The following GTPBP1 variants were observed in gnomAD, a reference collection of about 807,000 sequenced individuals.
GTPBP1 encodes the protein GTP-binding protein 1.
In GTPBP1, 23 loss-of-function variants were observed where a neutral mutation model predicts 62.0. That is an observed-to-expected ratio of 0.37 (90% CI 0.27 to 0.53). The LOEUF (loss-of-function observed/expected upper bound fraction) is 0.53, where lower values mean the gene tolerates loss of function less well. GTPBP1 is among the 20% of genes least tolerant of loss of function. The probability of loss-of-function intolerance (pLI) is 0.89; values close to 1 mark genes in which losing one functional copy is unlikely to be tolerated. For synonymous variants in GTPBP1, 344 were observed against 364.4 expected, an observed-to-expected ratio of 0.94 and a Z score of 0.64; for missense variants, 640 against 917.3, an observed-to-expected ratio of 0.70 and a Z score of 3.90.
At chr22:38,724,511 C>T in intron 6 of GTPBP1, 100 bp downstream of exon 6, 1 of 704,018 alleles carries the variant, frequency 1.4e-6, no homozygotes, top group Non-Finnish European at 2.6e-6. Context: ...CATAAGGTCT[C>T]ATGAAAACAC....
chr22:38,706,846 C>G lies in GTPBP1; in HGVS notation c.192+699C>G, dbSNP rs151202090. 101 of 152,316 alleles carry G rather than the reference C, an allele frequency of 6.6e-4. 1 individual carries two copies. Among genetic ancestry groups the G allele is most frequent in the African/African-American group, 2.2e-3 (91 of 41,566 alleles). 9.4% of individuals were successfully genotyped at this position (152,316 alleles called of 1,614,324 possible). ...GACGTTTAAAACCGTGTTTTTTGAG[C>G]TGTCGAGAAGGTAGGCAGGAATTAA... On this transcript the variant is annotated intron_variant, in intron 1 of 11. Transcript: ENST00000216044.
chr22:38,721,681 G>A (rs1158556750), intron 4 of GTPBP1, 61 bp from the exon 5 acceptor site: 49 of 1,541,352 alleles, frequency 3.2e-5, no homozygotes, highest in Non-Finnish European at 3.9e-5. Context: ...GAGCCCCTGT[G>A]TCCACCCAGC....
At chr22:38,714,766 A>G (rs1801573477) in intron 2 of GTPBP1, among the ~76,000 whole-genome samples, 1 of 152,106 alleles carries the variant, frequency 6.6e-6, no homozygotes, top group South Asian at 2.1e-4. Flanking sequence ...AGAGAGTCAC[A>G]CATGCTGAAG....
downstream of GTPBP1, chr22:38,736,128 G>A (rs191692906): frequency 4.8e-5 from 40 of 826,668 alleles, no homozygotes; most frequent in African/African-American, 3.6e-4. Context: ...GACCCTGCCC[G>A]TCCTTTTCAT....
chr22:38,708,779 T>A (rs2092621193), intron 1 of GTPBP1, 66 bp from the exon 2 acceptor site: 2 of 891,394 alleles, frequency 2.2e-6, no homozygotes, highest in African/African-American at 3.3e-5. Flanking sequence ...TAGGCTATAT[T>A]GATCAGCTTT....
At chr22:38,729,431 C>T in intron 10 of GTPBP1, 31 bp from the exon 11 acceptor site, 1 of 1,539,540 alleles carries the variant, frequency 6.5e-7, no homozygotes, top group Non-Finnish European at 8.8e-7. Context: ...CCCGCAGCTC[C>T]AGCCTCAGCC....
At chr22:38,728,284 G>A in intron 10 of GTPBP1, 123 bp downstream of exon 10, 1 of 695,258 alleles carries the variant, frequency 1.4e-6, no homozygotes, top group Admixed American at 2.2e-5. Flanking sequence ...ACTGAGGTGT[G>A]GCCTCGGTGC....
At chr22:38,739,258 C>T (rs1354626936), downstream of GTPBP1, 1 of 1,452,122 alleles carries the variant, frequency 6.9e-7, no homozygotes, top group South Asian at 1.1e-5. This position sits in a 1 kb window ranked among gnomAD's most constrained non-coding sequence, Gnocchi z 6.7. Context: ...GCTTGCTCTG[C>T]CCCACCACCA....
downstream of GTPBP1, chr22:38,742,621 C>T (rs2092869341): frequency 1.3e-6 from 2 of 1,533,160 alleles, no homozygotes; most frequent in Non-Finnish European, 1.8e-6. Context: ...CCAAAGACCA[C>T]CCCGACACAG....
Position 38,708,873 on chromosome 22 carries a change from A to G in GTPBP1, c.221A>G (p.Gln74Arg). 1 of 1,610,358 alleles carries G rather than the reference A, an allele frequency of 6.2e-7. No homozygotes were observed. Among genetic ancestry groups the G allele is most frequent in the Non-Finnish European group, 8.5e-7 (1 of 1,176,500 alleles). The change falls in exon 2 of 12, where the codon CAG becomes CGG. Residue 74 changes from glutamine to arginine, a missense_variant. Physicochemically the swap from Gln to Arg is conservative, Grantham distance 43 (BLOSUM62 1). This residue lies in a region of GTPBP1 where 215 missense variants were observed against 235.1 expected (regional missense o/e 0.91). Coordinates refer to ENST00000216044, the MANE Select transcript of GTPBP1 (RefSeq NM_004286.5). ...GTTCTAGTGAGCCCTACATCAGAGC[A>G]GTATGACAGCCTACTTCGGCAGATG... is the stretch of plus-strand genomic sequence containing the variant. ...KLVLVSPTSEQYDSLLRQMWE... is the reference protein window; with the variant it reads ...KLVLVSPTSERYDSLLRQMWE...
intron 10 of GTPBP1, 155 bp downstream of exon 10, chr22:38,728,316 G>A (rs1317654235): frequency 6.4e-6 from 4 of 620,220 alleles, no homozygotes; most frequent in South Asian, 1.8e-5. Flanking sequence ...TCCCTTAGAG[G>A]TATCCTGTGG....
intron 2 of GTPBP1, 151 bp downstream of exon 2, chr22:38,709,107 A>G: frequency 1.9e-6 from 1 of 522,726 alleles, no homozygotes; most frequent in Non-Finnish European, 3.5e-6. Flanking sequence ...ACATGGTGAA[A>G]CCCCATCTCT....
downstream of GTPBP1, chr22:38,736,511 G>T: frequency 1.5e-6 from 1 of 673,022 alleles, no homozygotes; most frequent in Non-Finnish European, 2.4e-6. Flanking sequence ...GCTCTGAAGA[G>T]AACCAGGCTT....
chr22:38,712,244 A>G (rs1225358459), intron 2 of GTPBP1, among the ~76,000 whole-genome samples: 2 of 152,154 alleles, frequency 1.3e-5, no homozygotes, highest in Non-Finnish European at 2.9e-5. Context: ...AATTGATTCT[A>G]AAGGATGAGT....
chr22:38,718,681 T>C (rs1050225809), intron 4 of GTPBP1, among the ~76,000 whole-genome samples: 1 of 152,212 alleles, frequency 6.6e-6, no homozygotes, highest in Non-Finnish European at 1.5e-5. Flanking sequence ...CGTGACACAC[T>C]GGAATGGATA....
At chr22:38,710,056 A>T (rs575534866) in intron 2 of GTPBP1, among the ~76,000 whole-genome samples, 3 of 152,356 alleles carry the variant, frequency 2.0e-5, no homozygotes, top group Non-Finnish European at 4.4e-5. Context: ...GTTAACGATT[A>T]TGAATTCAGC....
Position 38,730,408 on chromosome 22 carries a change from A to G in GTPBP1, c.1918-204A>G, listed in dbSNP as rs1415746394. The stretch of plus-strand genomic sequence containing the variant: ...GTCCTACCCACCCTGTAAGGAAGGC[A>G]GGGCAGGCACTGGCTCCATTTTAGA... On this transcript the variant is annotated intron_variant, in intron 11 of 11. Transcript: ENST00000216044. The surrounding 1 kb of genome is among the most constrained non-coding windows in gnomAD (Gnocchi z 5.6). Among the ~76,000 whole-genome samples, 3 of 152,288 alleles carry G rather than the reference A, an allele frequency of 2.0e-5. No homozygotes were observed. The highest frequency in any genetic ancestry group is 4.4e-5 in the Non-Finnish European group (3 of 68,000).
At chr22:38,739,591 C>T (rs2092836792), downstream of GTPBP1, 3 of 1,317,298 alleles carry the variant, frequency 2.3e-6, no homozygotes, top group Non-Finnish European at 3.2e-6. The surrounding 1 kb of genome is among the most constrained non-coding windows in gnomAD (Gnocchi z 6.7). Flanking sequence ...GCCAGCCCCA[C>T]AGCATGCAAA....
rs370513447 is a variant in GTPBP1 at position 38,716,560 on chromosome 22, A to G, written c.486-92A>G. 27 of 920,026 alleles carry G rather than the reference A, an allele frequency of 2.9e-5. 1 individual carries two copies. The highest frequency in any genetic ancestry group is 2.9e-4 in the East Asian group (11 of 37,914). 57.0% of individuals were successfully genotyped at this position (920,026 alleles called of 1,614,324 possible). On this transcript the variant is annotated intron_variant, in intron 3 of 11. Coordinates refer to ENST00000216044, the MANE Select transcript of GTPBP1 (RefSeq NM_004286.5). The surrounding 1 kb of genome is among the most constrained non-coding windows in gnomAD (Gnocchi z 5.2). Reference sequence around the variant, plus strand: ...CCGGAGGGGATCGGGGCAAGCCTGGACTTGCGGATCCAATTACTGGGGTTA... The same window carrying G: ...CCGGAGGGGATCGGGGCAAGCCTGGGCTTGCGGATCCAATTACTGGGGTTA...
Sources: allele counts gnomAD v4.1 joint callset (sites outside exome capture counted in the v4.1 genomes callset), GRCh38; gene constraint gnomAD v4.1.1; regional missense constraint gnomAD v4.1.1; non-coding constraint Gnocchi (gnomAD v3.1); transcripts MANE v1.5; gene names NCBI Gene and HGNC (gene_info 2026-07-23, HGNC 2026-07-21).